The following GMCL1 variants were observed in gnomAD, a reference collection of about 807,000 sequenced individuals.
GMCL1 encodes the protein germ cell-less 1, spermatogenesis associated.
Under a neutral mutation model 75.5 loss-of-function variants are expected in GMCL1, and 54 were observed. The observed-to-expected ratio is 0.71, with a 90% CI of 0.57 to 0.90. The LOEUF (loss-of-function observed/expected upper bound fraction) is 0.90, where lower values mean the gene tolerates loss of function less well. Among genes scored for constraint, GMCL1 ranks in the 40% least tolerant of loss-of-function variants. The pLI is 0.00. For synonymous variants in GMCL1, 210 were observed against 209.6 expected, an observed-to-expected ratio of 1.00 and a Z score of -0.02; for missense variants, 537 against 622.7, an observed-to-expected ratio of 0.86 and a Z score of 1.47.
chr2:69,836,108 C>T (rs944517303), intron 1 of GMCL1, among the ~76,000 whole-genome samples: 1 of 152,204 alleles, frequency 6.6e-6, no homozygotes, highest in Non-Finnish European at 1.5e-5. Context: ...CCTCTTCTTA[C>T]TTCTGCCTTT....
At chr2:69,870,299 A>C (rs1232716982) in intron 12 of GMCL1, among the ~76,000 whole-genome samples, 3 of 151,984 alleles carry the variant, frequency 2.0e-5, no homozygotes, top group East Asian at 3.8e-4. Context: ...ACAGTAGCTT[A>C]ATGAACATGA....
At chr2:69,877,750 C>T (rs1676165806) in intron 13 of GMCL1, among the ~76,000 whole-genome samples, 1 of 151,520 alleles carries the variant, frequency 6.6e-6, no homozygotes, top group Non-Finnish European at 1.5e-5. Context: ...TTTGTACTCT[C>T]TACCTTCTTT....
intron 6 of GMCL1, among the ~76,000 whole-genome samples, 165 bp from the exon 7 acceptor site, chr2:69,847,378 T>C (rs1340582503): frequency 1.3e-5 from 2 of 152,204 alleles, no homozygotes; most frequent in Non-Finnish European, 2.9e-5. Context: ...TATCCTTGTA[T>C]CCAGATAGAT....
rs1249842701 is a variant in GMCL1, at chr2:69,849,645, A to T, written c.844-7A>T. 16 of 1,495,922 alleles carry T rather than the reference A, an allele frequency of 1.1e-5. No individual in the cohort carries two copies. The highest frequency in any genetic ancestry group is 1.4e-5 in the Non-Finnish European group (15 of 1,109,438). The allele number at this position is 1,495,922 out of a possible 1,614,324, so 92.7% of individuals were successfully genotyped here. A position where few individuals can be genotyped will look rare whatever the true frequency, so the allele number is the denominator to read the frequency against. ...ATTGTTTTCTTATTTAATTTTTTTT[A>T]ACTTAGTGGATGTTCCTTCAACTTG... On this transcript the variant is annotated splice_region_variant and splice_polypyrimidine_tract_variant and intron_variant, in intron 7 of 13. Transcript: ENST00000282570.
intron 13 of GMCL1, among the ~76,000 whole-genome samples, chr2:69,874,757 T>TC (rs767370199): frequency 6.7e-5 from 10 of 149,770 alleles, no homozygotes; most frequent in Admixed American, 1.3e-4. Context: ...TTTTTTTTTT[T>TC]CCGAGACAGG....
At chr2:69,856,938 C>T (rs1005581620) in intron 9 of GMCL1, among the ~76,000 whole-genome samples, 1 of 152,086 alleles carries the variant, frequency 6.6e-6, no homozygotes, top group Non-Finnish European at 1.5e-5. Flanking sequence ...ATCCCAGCCT[C>T]CTAGTAGTTT....
At chr2:69,846,614 G>C (rs145849773) in intron 6 of GMCL1, among the ~76,000 whole-genome samples, 1 of 152,082 alleles carries the variant, frequency 6.6e-6, no homozygotes, top group African/African-American at 2.4e-5. Flanking sequence ...AAAAACCCAC[G>C]TGCTCTCTTG....
chr2:69,836,054 G>A (rs369432242), intron 1 of GMCL1, among the ~76,000 whole-genome samples: 6 of 152,138 alleles, frequency 3.9e-5, no homozygotes, highest in African/African-American at 1.4e-4. Context: ...TCTATACTCT[G>A]TGTTCATAGA....
At chr2:69,874,402 C>T (rs530847535) in intron 13 of GMCL1, among the ~76,000 whole-genome samples, 8 of 152,158 alleles carry the variant, frequency 5.3e-5, no homozygotes, top group East Asian at 3.9e-4. Flanking sequence ...CTTGCTCTGT[C>T]GCCCAGGCTG....
At position 69,881,295 on chromosome 2, in the gene GMCL1, C is replaced by T. The variant is rs1573381970; in HGVS notation, c.*2291C>T. ...TAAAGATGTGCTTTTGTTTTCTTACCAAATATTTTTATGTGTTTCCAGAGT... is the reference window on the plus strand; with the variant it reads ...TAAAGATGTGCTTTTGTTTTCTTACTAAATATTTTTATGTGTTTCCAGAGT... On this transcript the variant is annotated 3_prime_UTR_variant, in exon 14 of 14. Coordinates refer to ENST00000282570, the MANE Select transcript of GMCL1 (RefSeq NM_178439.5). The T allele has an allele frequency of 6.6e-6, 1 of 152,088 alleles. No homozygotes were observed. The highest frequency in any genetic ancestry group is 6.5e-5 in the Admixed American group (1 of 15,276). 9.4% of individuals were successfully genotyped at this position (152,088 alleles called of 1,614,324 possible).
intron 3 of GMCL1, among the ~76,000 whole-genome samples, chr2:69,840,379 C>T (rs1674950013): frequency 1.3e-5 from 2 of 151,356 alleles, no homozygotes; most frequent in African/African-American, 4.9e-5. Flanking sequence ...CACTGCACTC[C>T]AGCCTGGGCG....
At chr2:69,830,446 C>T (rs945315086) in intron 1 of GMCL1, among the ~76,000 whole-genome samples, 1 of 152,236 alleles carries the variant, frequency 6.6e-6, no homozygotes, top group Non-Finnish European at 1.5e-5. Flanking sequence ...ACCTTAGAGA[C>T]GCCCGGCTGG....
At chr2:69,851,068 A>G (rs1416375768) in intron 8 of GMCL1, among the ~76,000 whole-genome samples, 2 of 152,154 alleles carry the variant, frequency 1.3e-5, no homozygotes, top group Non-Finnish European at 2.9e-5. Context: ...TTCTTTATGT[A>G]TTCCTGATAA....
Position 69,841,051 on chromosome 2 carries a change from C to T in GMCL1, c.579+12C>T, listed in dbSNP as rs558701583. The T allele has an allele frequency of 4.4e-6, 7 of 1,586,712 alleles. No individual in the cohort carries two copies. Among genetic ancestry groups the T allele is most frequent in the Admixed American group, 1.7e-5 (1 of 59,914 alleles). ...GTTTGCTGCAGTTGGTAAGTATGCA[C>T]GTTATTCGAAGAAAGGTTCAGAATA... On this transcript the variant is annotated intron_variant, in intron 4 of 13. Coordinates refer to ENST00000282570, the MANE Select transcript of GMCL1 (RefSeq NM_178439.5).
intron 13 of GMCL1, among the ~76,000 whole-genome samples, chr2:69,872,033 A>G (rs1220553697): frequency 6.6e-6 from 1 of 152,200 alleles, no homozygotes; most frequent in Non-Finnish European, 1.5e-5. Context: ...TAATTAGGAG[A>G]AAAAAAGAAA....
In GMCL1 at chr2:69,829,824, G is replaced by C. The variant is rs1246924993; in HGVS notation, c.-69G>C. 1 of 1,456,700 alleles carries C rather than the reference G, an allele frequency of 6.9e-7. No individual in the cohort carries two copies. The highest frequency in any genetic ancestry group is 9.0e-7 in the Non-Finnish European group (1 of 1,107,984). 90.2% of individuals were successfully genotyped at this position (1,456,700 alleles called of 1,614,324 possible). ...GCACCTGCGCTCGGGGAAGGCTGGC[G>C]GCGGCGGCCGAGCCATGGCGGGAGA... On this transcript the variant is annotated 5_prime_UTR_variant, in exon 1 of 14. Transcript: ENST00000282570.
intron 13 of GMCL1, among the ~76,000 whole-genome samples, chr2:69,873,241 T>C (rs116372497): frequency 1.1e-3 from 161 of 152,306 alleles, no homozygotes; most frequent in African/African-American, 3.5e-3. Context: ...ACATGGGTCA[T>C]ATTCAAGGAA....
intron 3 of GMCL1, among the ~76,000 whole-genome samples, 199 bp from the exon 4 acceptor site, chr2:69,840,743 T>A (rs1674960493): frequency 6.6e-6 from 1 of 152,218 alleles, no homozygotes; most frequent in Non-Finnish European, 1.5e-5. Flanking sequence ...CAGAAATTTA[T>A]AACCTTGTTA....
In GMCL1 at chr2:69,829,737, G is replaced by A. The variant is rs982367273; in HGVS notation, c.-156G>A. On this transcript the variant is annotated 5_prime_UTR_variant, in exon 1 of 14. Coordinates refer to ENST00000282570, the MANE Select transcript of GMCL1 (RefSeq NM_178439.5). ...GACCGGACGCTGCGGGCGGGGAAGAGGATGGAGACTGTGGCGTCCGCTGCA... is the reference window on the plus strand; with the variant it reads ...GACCGGACGCTGCGGGCGGGGAAGAAGATGGAGACTGTGGCGTCCGCTGCA... 3.7e-6 allele frequency: 3 copies of A among 814,670 alleles called. No homozygotes were observed. Among genetic ancestry groups the A allele is most frequent in the African/African-American group, 3.6e-5 (2 of 55,852 alleles). The allele number at this position is 814,670 out of a possible 1,614,324, so 50.5% of individuals were successfully genotyped here.
Sources: allele counts gnomAD v4.1 joint callset (sites outside exome capture counted in the v4.1 genomes callset), GRCh38; gene constraint gnomAD v4.1.1; transcripts MANE v1.5; gene names NCBI Gene and HGNC (gene_info 2026-07-23, HGNC 2026-07-21).